The following FRMD3 variants were observed in gnomAD, a reference collection of about 807,000 sequenced individuals.
FRMD3 encodes the protein FERM domain containing 3, also known as FERM domain-containing protein 3.
FRMD3 carries 33 observed loss-of-function variants against 70.2 expected under a neutral mutation model. The observed-to-expected ratio is 0.47, with a 90% CI of 0.36 to 0.63. FRMD3 has a LOEUF of 0.63. Ranked by LOEUF, FRMD3 falls within the 20% of genes least tolerant of loss-of-function variation. The pLI, the probability that FRMD3 is intolerant of heterozygous loss-of-function variation, is 0.00. For missense variants in FRMD3, 632 were observed against 711.4 expected (o/e 0.89, Z 1.27); for synonymous variants, 279 against 255.9 (o/e 1.09, Z -0.86).
intron 3 of FRMD3, among the ~76,000 whole-genome samples, chr9:83,357,733 G>C (rs956432612): frequency 8.6e-5 from 13 of 151,964 alleles, no homozygotes; most frequent in Non-Finnish European, 2.9e-5. Context: ...TTTTGAGAAT[G>C]GTCTATTCAT....
At chr9:83,386,978 T>A (rs1008031988) in intron 2 of FRMD3, among the ~76,000 whole-genome samples, 2 of 152,210 alleles carry the variant, frequency 1.3e-5, no homozygotes, top group Admixed American at 1.3e-4. Context: ...AGGTACCTGA[T>A]GTTAACATGT....
At chr9:83,505,192 CA>C (rs2131519572) in intron 1 of FRMD3, among the ~76,000 whole-genome samples, 1 of 152,288 alleles carries the variant, frequency 6.6e-6, no homozygotes, top group East Asian at 1.9e-4. Context: ...AGCAATGGAA[CA>C]GTCTAGAAAT....
At chr9:83,487,438 T>C (rs1040050216) in intron 1 of FRMD3, among the ~76,000 whole-genome samples, 8 of 152,226 alleles carry the variant, frequency 5.3e-5, no homozygotes, top group African/African-American at 1.9e-4. Flanking sequence ...TTTATTTTAA[T>C]ATGAACCACT....
intron 1 of FRMD3, among the ~76,000 whole-genome samples, chr9:83,438,472 T>A (rs1002966982): frequency 6.6e-6 from 1 of 152,070 alleles, no homozygotes; most frequent in Non-Finnish European, 1.5e-5. Context: ...CAGGCTGGAG[T>A]GCAATGGCAC....
At chr9:83,389,793 CTA>C (rs1313506974) in intron 1 of FRMD3, 85 bp from the exon 2 acceptor site, 15 of 893,404 alleles carry the variant, frequency 1.7e-5, no homozygotes, top group Non-Finnish European at 2.6e-5. Context: ...CACCATGGGT[CTA>C]TGTTCTGAAA....
At chr9:83,306,538 C>A (rs964817104) in intron 10 of FRMD3, among the ~76,000 whole-genome samples, 5 of 152,300 alleles carry the variant, frequency 3.3e-5, no homozygotes, top group Non-Finnish European at 7.4e-5. Context: ...GGTCTTCTAC[C>A]TCCTAGCTCC....
intron 3 of FRMD3, among the ~76,000 whole-genome samples, chr9:83,367,051 T>C (rs1488054159): frequency 6.6e-6 from 1 of 152,040 alleles, no homozygotes; most frequent in African/African-American, 2.4e-5. Context: ...AAAAAAAAAT[T>C]ATAAGTGAGA....
At chr9:83,265,395 TAAAAAAAAA>T (rs59688591) in intron 13 of FRMD3, among the ~76,000 whole-genome samples, 1 of 77,420 alleles carries the variant, frequency 1.3e-5, no homozygotes, top group Non-Finnish European at 2.5e-5. Flanking sequence ...GCGAGACTCT[TAAAAAAAAA>T]AAAAAAAAAA....
chr9:83,436,457 GAT>G lies in FRMD3; in HGVS notation c.148-46751_148-46750del, dbSNP rs955981041. 6.8e-4 allele frequency among the ~76,000 whole-genome samples: 74 copies of G among 108,292 alleles called. 2 individuals are homozygous for G. In the South Asian group the frequency reaches 0.014, roughly 21 times the overall value. 71.0% of individuals were successfully genotyped at this position (108,292 alleles called of 152,430 possible). Reference sequence around the variant, plus strand: ...TCCTTTGCCAAATTTTAATTAATAAGATGTGTGTGTGTGTGTGTGTGTGTGTG... The same window carrying G: ...TCCTTTGCCAAATTTTAATTAATAAGGTGTGTGTGTGTGTGTGTGTGTGTG... On this transcript the variant is annotated intron_variant, in intron 1 of 13. Transcript: ENST00000304195.
intron 1 of FRMD3, among the ~76,000 whole-genome samples, chr9:83,437,072 G>A (rs1054260449): frequency 3.9e-5 from 6 of 152,186 alleles, no homozygotes; most frequent in Non-Finnish European, 7.3e-5. Context: ...GCAAAAAGAC[G>A]ATGAGGTGCT....
chr9:83,547,139 G>A, the FRMD3 span, among the ~76,000 whole-genome samples: 2 of 149,898 alleles, frequency 1.3e-5, no homozygotes, highest in African/African-American at 4.9e-5. Context: ...CAAGACGTTA[G>A]GACAACTTTA....
chr9:83,472,850 A>C (rs946375979), intron 1 of FRMD3, among the ~76,000 whole-genome samples: 1 of 152,134 alleles, frequency 6.6e-6, no homozygotes, highest in African/African-American at 2.4e-5. Context: ...GACTACCTCA[A>C]ATGCACATAA....
chr9:83,431,271 G>A (rs953619863), intron 1 of FRMD3, among the ~76,000 whole-genome samples: 10 of 152,302 alleles, frequency 6.6e-5, no homozygotes, highest in South Asian at 2.1e-4. Context: ...AATGTATTTC[G>A]TGTTTTGCAC....
chr9:83,418,386 G>A (rs542138733), intron 1 of FRMD3, among the ~76,000 whole-genome samples: 1 of 151,992 alleles, frequency 6.6e-6, no homozygotes, highest in South Asian at 2.1e-4. Flanking sequence ...TCCAATGAAG[G>A]ACTAGTGTCC....
chr9:83,576,370 C>T, the FRMD3 span, among the ~76,000 whole-genome samples: 1 of 151,838 alleles, frequency 6.6e-6, no homozygotes, highest in Non-Finnish European at 1.5e-5. Flanking sequence ...CTCAGGAAAC[C>T]AGGAACAAAA....
chr9:83,396,197 G>C lies in FRMD3; in HGVS notation c.148-6489C>G, dbSNP rs79539259. Among the ~76,000 whole-genome samples the C allele has an allele frequency of 6.5e-3, 990 of 152,324 alleles. 11 individuals carry two copies. The highest frequency in any genetic ancestry group is 0.016 in the South Asian group (76 of 4,828). ...TGTCCCCATTCTCTATGTGGAGAGA[G>C]AGGAAAACAACAATATGAGGATTTG... On this transcript the variant is annotated intron_variant, in intron 1 of 13. Transcript: ENST00000304195.
intron 3 of FRMD3, chr9:83,350,884 T>C: frequency 2.2e-6 from 1 of 450,548 alleles, no homozygotes; most frequent in Non-Finnish European, 2.9e-6. Context: ...CACTGATAAA[T>C]GCATACCAGT....
At chr9:83,479,700 G>GAAAGAAAGAAAGAA (rs1828504224) in intron 1 of FRMD3, among the ~76,000 whole-genome samples, 4 of 71,140 alleles carry the variant, frequency 5.6e-5, no homozygotes, top group African/African-American at 3.0e-4. Context: ...AAGAAAGAAA[G>GAAAGAAAGAAAGAA]AAAGAAAGAA....
chr9:83,533,405 A>G (rs1829828442), intron 1 of FRMD3, among the ~76,000 whole-genome samples: 1 of 152,234 alleles, frequency 6.6e-6, no homozygotes, highest in Non-Finnish European at 1.5e-5. Flanking sequence ...TCCAGTCAAT[A>G]ATAAAACCAC....
Sources: allele counts gnomAD v4.1 joint callset (sites outside exome capture counted in the v4.1 genomes callset), GRCh38; gene constraint gnomAD v4.1.1; transcripts MANE v1.5; gene names NCBI Gene and HGNC (gene_info 2026-07-23, HGNC 2026-07-21).